Variants in ITPRID1 observed in about 807,000 individuals in gnomAD.
ITPRID1 encodes ITPR interacting domain containing 1, also known as protein ITPRID1.
A neutral mutation model predicts 95.4 loss-of-function variants in ITPRID1; 96 were observed. The observed-to-expected ratio is 1.01, with a 90% confidence interval of 0.85 to 1.19. The LOEUF (loss-of-function observed/expected upper bound fraction) is 1.19, where lower values mean the gene tolerates loss of function less well. Ranked by LOEUF, ITPRID1 falls within the 50% of genes most tolerant of loss-of-function variation. The pLI, the probability that ITPRID1 is intolerant of heterozygous loss-of-function variation, is 0.00. For missense variants in ITPRID1, 1,339 were observed against 1,252.9 expected, an observed-to-expected ratio of 1.07 and a Z score of -1.04; for synonymous variants, 510 against 453.6, an observed-to-expected ratio of 1.12 and a Z score of -1.58.
intron 10 of ITPRID1, among the ~76,000 whole-genome samples, chr7:31,627,826 A>C (rs1421734611): frequency 6.6e-6 from 1 of 152,186 alleles, no homozygotes; most frequent in Non-Finnish European, 1.5e-5. Context: ...AAAGGAGATT[A>C]ATTGGAATTA....
intron 12 of ITPRID1, among the ~76,000 whole-genome samples, chr7:31,649,214 A>T (rs549834512): frequency 2.3e-4 from 35 of 152,384 alleles, no homozygotes; most frequent in African/African-American, 8.2e-4. Context: ...CATTACTCTT[A>T]GGAAAGTATT....
At chr7:31,522,719 A>C (rs1404973808) in intron 1 of ITPRID1, among the ~76,000 whole-genome samples, 1 of 152,208 alleles carries the variant, frequency 6.6e-6, no homozygotes, top group African/African-American at 2.4e-5. Context: ...AATTCCAGGG[A>C]TGGCAAGCTG....
intron 10 of ITPRID1, among the ~76,000 whole-genome samples, chr7:31,612,641 G>A (rs554053992): frequency 2.6e-4 from 40 of 152,172 alleles, no homozygotes; most frequent in South Asian, 4.1e-4. Context: ...TAAGTGACTT[G>A]AACAAATATG....
chr7:31,528,414 T>G (rs1396256890), intron 1 of ITPRID1, among the ~76,000 whole-genome samples: 1 of 152,188 alleles, frequency 6.6e-6, no homozygotes, highest in Non-Finnish European at 1.5e-5. Flanking sequence ...GTCATTAGCC[T>G]TTTTACAAAG....
chr7:31,652,008 G>T lies in ITPRID1; in HGVS notation c.2781G>T (p.Gln927His), dbSNP rs1791002721. The T allele has an allele frequency of 6.2e-7, 1 of 1,604,996 alleles. No homozygotes were observed. The highest frequency in any genetic ancestry group is 1.3e-5 in the African/African-American group (1 of 74,784). The part of the protein sequence containing the change: ...LRQQVAELEF[Q>H]LGDRAQQIRE... ...AGCAGGTGGCAGAGTTGGAATTTCAGTTAGGAGACCGGGCTCAGCAAATCA... is the reference window on the plus strand; with the variant it reads ...AGCAGGTGGCAGAGTTGGAATTTCATTTAGGAGACCGGGCTCAGCAAATCA... The change falls in exon 14 of 15, where the codon CAG (glutamine) becomes CAT (histidine). Residue 927 changes from glutamine (Q) to histidine (H), a missense_variant. By Grantham distance (24) the Gln-to-His change is conservative. Transcript: ENST00000615280.
intron 10 of ITPRID1, among the ~76,000 whole-genome samples, chr7:31,621,373 T>G (rs1337764375): frequency 5.8e-5 from 1 of 17,166 alleles, no homozygotes; most frequent in Non-Finnish European, 1.1e-4. Context: ...TCGGGTTACC[T>G]CAAAGGGAAG....
chr7:31,539,705 G>T (rs1196882467), intron 1 of ITPRID1, among the ~76,000 whole-genome samples: 1 of 152,156 alleles, frequency 6.6e-6, no homozygotes. Context: ...GCTGATTTTG[G>T]TCAGGTGCAC....
At chr7:31,549,134 A>G (rs1047306542) in intron 1 of ITPRID1, among the ~76,000 whole-genome samples, 8 of 152,180 alleles carry the variant, frequency 5.3e-5, no homozygotes, top group African/African-American at 1.9e-4. Flanking sequence ...GAGTTTAATC[A>G]GAAATGGTGG....
At chr7:31,536,139 T>C (rs946498207) in intron 1 of ITPRID1, among the ~76,000 whole-genome samples, 2 of 152,152 alleles carry the variant, frequency 1.3e-5, no homozygotes, top group Admixed American at 6.6e-5. Flanking sequence ...CTATAGATCT[T>C]GGATGTTAGG....
At chr7:31,556,201 G>A (rs539584554) in intron 5 of ITPRID1, among the ~76,000 whole-genome samples, 2 of 152,218 alleles carry the variant, frequency 1.3e-5, no homozygotes, top group South Asian at 2.1e-4. Context: ...CAGACATGAA[G>A]TAAAGACCTG....
intron 1 of ITPRID1, among the ~76,000 whole-genome samples, chr7:31,538,396 AT>A (rs1228036064): frequency 6.6e-6 from 1 of 152,234 alleles, no homozygotes; most frequent in Non-Finnish European, 1.5e-5. Context: ...TAGTATAATT[AT>A]CAAAATAATA....
chr7:31,578,489 A>C, intron 9 of ITPRID1, 55 bp downstream of exon 9: 2 of 1,337,824 alleles, frequency 1.5e-6, no homozygotes, highest in South Asian at 3.1e-5. Context: ...TCACTATGAC[A>C]CCCTTGTTTT....
At chr7:31,519,576 G>GTCTCTC (rs1783151651) in intron 1 of ITPRID1, among the ~76,000 whole-genome samples, 1 of 54,198 alleles carries the variant, frequency 1.8e-5, no homozygotes, top group South Asian at 8.0e-4. Flanking sequence ...TCTATTTCTG[G>GTCTCTC]TATCTCTCTC....
rs759370327 is a variant in ITPRID1 at position 31,578,300 on chromosome 7, C to G, written c.1036C>G (p.Gln346Glu). 4.8e-5 allele frequency: 77 copies of G among 1,613,836 alleles called. No individual in the cohort carries two copies. Among genetic ancestry groups the G allele is most frequent in the Non-Finnish European group, 6.4e-5 (76 of 1,179,856 alleles). The change falls in exon 9 of 15, where the codon CAG (glutamine) becomes GAG (glutamate). Residue 346 changes from glutamine to glutamate, a missense_variant. By Grantham distance (29) the Gln-to-Glu change is conservative (BLOSUM62 2). Coordinates refer to ENST00000615280, the MANE Select transcript of ITPRID1 (RefSeq NM_001257967.3). Reference sequence around the variant, plus strand: ...GCCTTGCTCATCTATGCCGGCCAAGCAGGCTCCTCCTTCCTGTGTGTCTGA... The same window carrying G: ...GCCTTGCTCATCTATGCCGGCCAAGGAGGCTCCTCCTTCCTGTGTGTCTGA... ...QWPCSSMPAK[Q>E]APPSCVSEGS...
At chr7:31,623,395 G>T (rs928140405) in intron 10 of ITPRID1, among the ~76,000 whole-genome samples, 1 of 151,514 alleles carries the variant, frequency 6.6e-6, no homozygotes, top group African/African-American at 2.4e-5. Flanking sequence ...ACATCAAAAA[G>T]CTTATCCACC....
At chr7:31,520,546 TGTGTGTGTGTGTGTGTGTGAGAGAGA>T (rs1357452147) in intron 1 of ITPRID1, among the ~76,000 whole-genome samples, 30 of 75,246 alleles carry the variant, frequency 4.0e-4, no homozygotes, top group African/African-American at 1.6e-3. Flanking sequence ...TGTGTGTGTG[TGTGTGTGTGTGTGTGTGTGAGAGAGA>T]GAGAGAGAGT....
downstream of ITPRID1, among the ~76,000 whole-genome samples, chr7:31,657,095 TA>T (rs1015851524): frequency 5.1e-4 from 2 of 3,942 alleles, no homozygotes; most frequent in African/African-American, 2.0e-3. Context: ...TTATATATGA[TA>T]TATATAAAAT....
intron 1 of ITPRID1, among the ~76,000 whole-genome samples, chr7:31,533,382 A>C (rs1783663020): frequency 1.3e-5 from 2 of 152,212 alleles, no homozygotes; most frequent in Admixed American, 6.5e-5. Context: ...ATTGATAAAA[A>C]ATCAATTTTT....
rs1232508796 is a variant in ITPRID1 at position 31,599,625 on chromosome 7, CTT to C, written c.1228+16436_1228+16437del. The stretch of plus-strand genomic sequence containing the variant: ...TCTTTCTTTCTTTCTTTCTTTCTTT[CTT>C]TCTTTCTTTCTTTCTTTCTTTTTCT... On this transcript the variant is annotated intron_variant, in intron 10 of 14. Coordinates refer to ENST00000615280, the MANE Select transcript of ITPRID1 (RefSeq NM_001257967.3). 1.9e-4 allele frequency among the ~76,000 whole-genome samples: 10 copies of C among 52,548 alleles called. 1 individual carries two copies. In the East Asian group the frequency reaches 2.2e-3, roughly 12 times the overall value. The allele number at this position is 52,548 out of a possible 152,430, so 34.5% of individuals were successfully genotyped here. A position where few individuals can be genotyped will look rare whatever the true frequency, so the allele number is the denominator to read the frequency against.
Sources: allele counts gnomAD v4.1 joint callset (sites outside exome capture counted in the v4.1 genomes callset), GRCh38; gene constraint gnomAD v4.1.1; transcripts MANE v1.5; gene names NCBI Gene and HGNC (gene_info 2026-07-23, HGNC 2026-07-21).